WNT7B: variants seen among roughly 807,000 people sequenced by gnomAD.
The protein encoded by WNT7B is protein Wnt-7b.
Under a neutral mutation model 38.2 loss-of-function variants are expected in WNT7B, and 19 were observed. The observed-to-expected ratio is 0.50, with a 90% CI of 0.35 to 0.73. WNT7B has a LOEUF of 0.73. Ranked by LOEUF, WNT7B falls within the 30% of genes least tolerant of loss-of-function variation. The pLI is 0.01. For missense variants in WNT7B, 423 were observed against 507.9 expected (o/e 0.83, Z 1.61); for synonymous variants, 243 against 209.3 (o/e 1.16, Z -1.39).
intron 2 of WNT7B, among the ~76,000 whole-genome samples, chr22:45,939,672 A>ACACACAC (rs1477583799): frequency 8.6e-5 from 9 of 104,416 alleles, no homozygotes; most frequent in African/African-American, 1.3e-4. Flanking sequence ...CACACACACA[A>ACACACAC]AAATAGCCAG....
At chr22:45,964,580 G>A (rs753574930) in intron 1 of WNT7B, among the ~76,000 whole-genome samples, 3 of 152,282 alleles carry the variant, frequency 2.0e-5, no homozygotes, top group East Asian at 1.9e-4. Context: ...GAAGACCTGA[G>A]TCGGGGAGCC....
In WNT7B at chr22:45,950,128, C is replaced by T. The variant is rs774041073; in HGVS notation, c.90G>A (p.Val30=). 6.2e-7 allele frequency: 1 copy of T among 1,613,878 alleles called. No homozygotes were observed. Among genetic ancestry groups the T allele is most frequent in the South Asian group, 1.1e-5 (1 of 91,072 alleles). ...TGCAGATGATGTTGGCTCCCAGGGC[C>T]ACCACGGATGACAGTGCTCTGTGGA... The part of the protein sequence containing the change: ...YVKLGALSSV[V]ALGANIICNK... The change falls in exon 2 of 4, where the codon GTG becomes GTA. Residue 30 remains valine, a synonymous_variant. Transcript: ENST00000339464.
At chr22:45,971,837 C>A (rs899944925) in intron 1 of WNT7B, among the ~76,000 whole-genome samples, 38 of 152,338 alleles carry the variant, frequency 2.5e-4, no homozygotes, top group African/African-American at 8.9e-4. Flanking sequence ...CAGGGAATCT[C>A]GGCGCCGCTC....
chr22:45,961,287 AG>A (rs1932190458), intron 1 of WNT7B, among the ~76,000 whole-genome samples: 4 of 152,146 alleles, frequency 2.6e-5, no homozygotes, highest in Admixed American at 2.6e-4. Flanking sequence ...GGCCACCCCA[AG>A]GCTGTTCTGA....
At chr22:45,923,401 C>A in intron 3 of WNT7B, 66 bp from the exon 4 acceptor site, 1 of 1,529,364 alleles carries the variant, frequency 6.5e-7, no homozygotes, top group East Asian at 2.3e-5. Flanking sequence ...GGTTCCCCTA[C>A]CCCTGCCTCT....
intron 1 of WNT7B, among the ~76,000 whole-genome samples, chr22:45,953,581 C>T (rs913795464): frequency 9.2e-5 from 14 of 152,194 alleles, no homozygotes; most frequent in African/African-American, 2.9e-4. Context: ...ATGAGCAAAG[C>T]GCTTGTAGAC....
rs1932531800 is a variant in WNT7B at position 45,975,518 on chromosome 22, G to A, written c.71+1166C>T. The A allele has an allele frequency of 1.4e-6, 1 of 716,232 alleles. No homozygotes were observed. Among genetic ancestry groups the A allele is most frequent in the Non-Finnish European group, 2.6e-6 (1 of 384,346 alleles). The allele number at this position is 716,232 out of a possible 1,614,324, so 44.4% of individuals were successfully genotyped here. ...CTCTGAAGCCACTGGCTTTGTCTCT[G>A]CAGGCCTTGGGCCTCAGTTTCTCCA... On this transcript the variant is annotated intron_variant, in intron 1 of 3. Coordinates refer to ENST00000339464, the MANE Select transcript of WNT7B (RefSeq NM_058238.3). The surrounding 1 kb of genome is among the most constrained non-coding windows in gnomAD (Gnocchi z 6.6).
chr22:45,932,544 G>A (rs1163109207), intron 2 of WNT7B, among the ~76,000 whole-genome samples: 1 of 152,152 alleles, frequency 6.6e-6, no homozygotes, highest in Non-Finnish European at 1.5e-5. Context: ...GACCCGAGAT[G>A]GGCAGGTTCA....
At chr22:45,929,619 C>CCCATCCTTCCATCCATGCATCCACTCAT (rs372746755) in intron 3 of WNT7B, among the ~76,000 whole-genome samples, 2,255 of 142,892 alleles carry the variant, frequency 0.016, 66 homozygotes, top group African/African-American at 0.057. Context: ...TGCCCATACA[C>CCCATCCTTCCATCCATGCATCCACTCAT]CCATCCTTCC....
At chr22:45,933,290 G>A (rs1446787006) in intron 2 of WNT7B, among the ~76,000 whole-genome samples, 1 of 152,150 alleles carries the variant, frequency 6.6e-6, no homozygotes, top group East Asian at 1.9e-4. Flanking sequence ...AGCCTCCTCT[G>A]AGCTGCAGGC....
intron 3 of WNT7B, chr22:45,925,652 T>G: frequency 4.1e-6 from 4 of 985,354 alleles, no homozygotes; most frequent in Non-Finnish European, 4.8e-6. Flanking sequence ...GGAAAAGCCC[T>G]TCCCTCCACT....
chr22:45,931,084 C>T lies in WNT7B; in HGVS notation c.570+14G>A. ...TCCCAGCTACGGCCCCCACCAGCCG[C>T]ACCCGCACCCTACCTTCCTGCCGGC... On this transcript the variant is annotated intron_variant, in intron 3 of 3. Transcript: ENST00000339464. 6.4e-7 allele frequency: 1 copy of T among 1,560,712 alleles called. No homozygotes were observed. The highest frequency in any genetic ancestry group is 8.7e-7 in the Non-Finnish European group (1 of 1,153,788).
chr22:45,928,788 G>A (rs1168325052), intron 3 of WNT7B, among the ~76,000 whole-genome samples: 1 of 152,184 alleles, frequency 6.6e-6, no homozygotes, highest in Non-Finnish European at 1.5e-5. Flanking sequence ...CCAGGGCCCT[G>A]CAATGGCACC....
intron 2 of WNT7B, among the ~76,000 whole-genome samples, chr22:45,937,605 C>T (rs1313033709): frequency 6.6e-6 from 1 of 152,236 alleles, no homozygotes; most frequent in Non-Finnish European, 1.5e-5. Context: ...CCTGGGCTGA[C>T]CCTTGGAGGC....
At chr22:45,946,322 G>C (rs937406140) in intron 2 of WNT7B, among the ~76,000 whole-genome samples, 4 of 152,200 alleles carry the variant, frequency 2.6e-5, no homozygotes, top group Non-Finnish European at 5.9e-5. Context: ...CTCACCTCCA[G>C]TCTGGCCTGG....
At chr22:45,943,507 G>A (rs1931720138) in intron 2 of WNT7B, among the ~76,000 whole-genome samples, 1 of 152,206 alleles carries the variant, frequency 6.6e-6, no homozygotes, top group African/African-American at 2.4e-5. Flanking sequence ...CCCCTCCTGT[G>A]TCCAGCCCAG....
chr22:45,965,074 C>A lies in WNT7B; in HGVS notation c.71+11610G>T, dbSNP rs959195257. Among the ~76,000 whole-genome samples the A allele has an allele frequency of 5.9e-5, 9 of 152,132 alleles. No homozygotes were observed. Among genetic ancestry groups the A allele is most frequent in the African/African-American group, 2.2e-4 (9 of 41,408 alleles). On this transcript the variant is annotated intron_variant, in intron 1 of 3. Transcript: ENST00000339464. This position sits in a 1 kb window ranked among gnomAD's most constrained non-coding sequence, Gnocchi z 6.5. ...CCCGAGATCACTGCCTCCGGCCCCGCCCCCACCTCACCTTCCCCTGCTCCA... is the reference window on the plus strand; with the variant it reads ...CCCGAGATCACTGCCTCCGGCCCCGACCCCACCTCACCTTCCCCTGCTCCA...
intron 3 of WNT7B, among the ~76,000 whole-genome samples, chr22:45,928,329 A>G (rs1459787626): frequency 6.6e-6 from 1 of 152,122 alleles, no homozygotes; most frequent in Non-Finnish European, 1.5e-5. Context: ...CCCACCTCCC[A>G]CTGCCGTGAT....
At chr22:45,967,791 T>C (rs958284407) in intron 1 of WNT7B, among the ~76,000 whole-genome samples, 3 of 152,134 alleles carry the variant, frequency 2.0e-5, no homozygotes, top group African/African-American at 7.2e-5. Context: ...AGTGTGTGAA[T>C]GAGGGAACAA....
Sources: allele counts gnomAD v4.1 joint callset (sites outside exome capture counted in the v4.1 genomes callset), GRCh38; gene constraint gnomAD v4.1.1; non-coding constraint Gnocchi (gnomAD v3.1); transcripts MANE v1.5; gene names NCBI Gene and HGNC (gene_info 2026-07-23, HGNC 2026-07-21).